The following NPAS3 variants were observed in gnomAD, a reference collection of about 807,000 sequenced individuals.
NPAS3 encodes the protein neuronal PAS domain-containing protein 3.
NPAS3 carries 14 observed loss-of-function variants against 73.1 expected under a neutral mutation model. That is an observed-to-expected ratio of 0.19 (90% confidence interval 0.13 to 0.30). The LOEUF is 0.30. Among genes scored for constraint, NPAS3 ranks in the 10% least tolerant of loss-of-function variants. NPAS3 has a pLI of 1.00. For missense variants in NPAS3, 1,096 were observed against 1,250.0 expected (o/e 0.88, Z 1.86); for synonymous variants, 620 against 541.5 (o/e 1.14, Z -2.01).
intron 7 of NPAS3, among the ~76,000 whole-genome samples, chr14:33,764,859 CTTG>C (rs1169289369): frequency 2.0e-5 from 3 of 152,246 alleles, no homozygotes. Context: ...GTTCAGCCTT[CTTG>C]CTTTGCCCCT....
chr14:33,048,404 C>A (rs1483360332), intron 1 of NPAS3, among the ~76,000 whole-genome samples: 2 of 152,194 alleles, frequency 1.3e-5, no homozygotes, highest in Admixed American at 6.5e-5. Flanking sequence ...GCATTTTACA[C>A]TGGAAATTAC....
Position 33,136,638 on chromosome 14 carries a change from G to T in NPAS3, c.141-78544G>T, listed in dbSNP as rs556070476. Among the ~76,000 whole-genome samples the T allele has an allele frequency of 3.3e-5, 5 of 152,316 alleles. 1 individual carries two copies. The Middle Eastern group carries it at 0.01, about 311-fold the overall frequency. ...AACAGCAGACCTGAGATTGGAACCA[G>T]TGAGCCTTATTTCAAAGTCTGTGCC... On this transcript the variant is annotated intron_variant, in intron 2 of 11. Transcript: ENST00000356141.
At chr14:33,562,919 CCTT>C (rs2055724793) in intron 5 of NPAS3, among the ~76,000 whole-genome samples, 12 of 53,844 alleles carry the variant, frequency 2.2e-4, no homozygotes. Context: ...ACACACACAC[CCTT>C]AATCAAATGC....
chr14:33,674,332 A>G (rs1277477973), intron 5 of NPAS3, among the ~76,000 whole-genome samples: 1 of 152,248 alleles, frequency 6.6e-6, no homozygotes, highest in Non-Finnish European at 1.5e-5. Context: ...AGTTTGAGAA[A>G]AGTGACAGAA....
At chr14:33,046,359 C>A (rs1445134599) in intron 1 of NPAS3, among the ~76,000 whole-genome samples, 1 of 152,082 alleles carries the variant, frequency 6.6e-6, no homozygotes, top group Non-Finnish European at 1.5e-5. Context: ...ATCCTCAGGG[C>A]AGTGGTCTCA....
intron 4 of NPAS3, among the ~76,000 whole-genome samples, chr14:33,410,377 T>A (rs778629393): frequency 6.6e-6 from 1 of 152,194 alleles, no homozygotes; most frequent in Non-Finnish European, 1.5e-5. Context: ...AGGCTCTTTT[T>A]CCTTCACACT....
chr14:33,613,787 A>G (rs1567055070), intron 5 of NPAS3, among the ~76,000 whole-genome samples: 2 of 150,606 alleles, frequency 1.3e-5, no homozygotes, highest in Non-Finnish European at 3.0e-5. Context: ...AATTAAATGT[A>G]TCTACTTTAA....
At chr14:33,404,093 A>AT (rs1488305732) in intron 4 of NPAS3, among the ~76,000 whole-genome samples, 2 of 152,056 alleles carry the variant, frequency 1.3e-5, no homozygotes, top group Non-Finnish European at 2.9e-5. Context: ...AAATAGTAAA[A>AT]TTTTTTTGTC....
At chr14:32,944,408 A>T (rs985193678) in intron 1 of NPAS3, among the ~76,000 whole-genome samples, 54 of 152,344 alleles carry the variant, frequency 3.5e-4, no homozygotes, top group African/African-American at 1.3e-3. Context: ...TTGATTAAAT[A>T]TTATTCTTTA....
chr14:33,244,555 T>C (rs2048316502), intron 3 of NPAS3, among the ~76,000 whole-genome samples: 1 of 152,080 alleles, frequency 6.6e-6, no homozygotes, highest in South Asian at 2.1e-4. Flanking sequence ...TTTTGGTAGC[T>C]TGCTTTCTTT....
chr14:33,042,051 A>G (rs1198392185), intron 1 of NPAS3, among the ~76,000 whole-genome samples: 1 of 152,160 alleles, frequency 6.6e-6, no homozygotes, highest in East Asian at 1.9e-4. Flanking sequence ...ATTAAAAAGA[A>G]ACCATAAATA....
chr14:33,136,141 A>T (rs983354058), intron 2 of NPAS3, among the ~76,000 whole-genome samples: 2 of 148,514 alleles, frequency 1.3e-5, no homozygotes, highest in Non-Finnish European at 3.0e-5. Flanking sequence ...GCTCACTGCA[A>T]CCTCCGCCTC....
At chr14:33,199,200 C>T (rs146478853) in intron 2 of NPAS3, among the ~76,000 whole-genome samples, 9 of 152,306 alleles carry the variant, frequency 5.9e-5, no homozygotes, top group African/African-American at 9.6e-5. Context: ...AGTGCAGATG[C>T]GGGCTGAAGG....
chr14:33,458,998 C>A (rs1169266602), intron 4 of NPAS3, among the ~76,000 whole-genome samples: 2 of 152,156 alleles, frequency 1.3e-5, no homozygotes, highest in African/African-American at 4.8e-5. Flanking sequence ...TGCTGGTTGC[C>A]CATTTTTATG....
At chr14:33,230,523 C>A (rs2047809626) in intron 3 of NPAS3, among the ~76,000 whole-genome samples, 1 of 152,086 alleles carries the variant, frequency 6.6e-6, no homozygotes, top group Non-Finnish European at 1.5e-5. Flanking sequence ...CAACAGTACA[C>A]CTAATATTTA....
chr14:33,114,588 A>T (rs1248402424), intron 2 of NPAS3, among the ~76,000 whole-genome samples: 1 of 152,188 alleles, frequency 6.6e-6, no homozygotes, highest in African/African-American at 2.4e-5. Context: ...ATGCTAGCAC[A>T]TAAATGCAAT....
chr14:33,242,366 A>G (rs2139835527), intron 3 of NPAS3, among the ~76,000 whole-genome samples: 1 of 152,174 alleles, frequency 6.6e-6, no homozygotes, highest in East Asian at 1.9e-4. Flanking sequence ...TTGTATGACC[A>G]CCTGTCCCGT....
intron 10 of NPAS3, among the ~76,000 whole-genome samples, chr14:33,795,780 A>G (rs2063495152): frequency 6.6e-6 from 1 of 152,198 alleles, no homozygotes; most frequent in Admixed American, 6.5e-5. Flanking sequence ...TCTGAATACC[A>G]TTGATCTAGC....
At chr14:33,233,008 T>C (rs1209074232) in intron 3 of NPAS3, among the ~76,000 whole-genome samples, 3 of 152,186 alleles carry the variant, frequency 2.0e-5, no homozygotes, top group Non-Finnish European at 2.9e-5. Context: ...AAATCACTTA[T>C]ATGCTATGGA....
Sources: gnomAD v4.1 joint callset for allele counts (sites outside exome capture counted in the v4.1 genomes callset) on GRCh38, gnomAD v4.1.1 for gene constraint, MANE v1.5 for transcripts, NCBI Gene and HGNC (gene_info 2026-07-23, HGNC 2026-07-21) for gene names.